The following PTPRD variants were observed in gnomAD, a reference collection of about 807,000 sequenced individuals.
The protein encoded by PTPRD is receptor-type tyrosine-protein phosphatase delta.
A neutral mutation model predicts 214.5 loss-of-function variants in PTPRD; 34 were observed. The ratio of observed to expected loss-of-function variants is 0.16; its 90% CI spans 0.12 to 0.21. The LOEUF (loss-of-function observed/expected upper bound fraction) is 0.21. Ranked by LOEUF, PTPRD falls within the 10% of genes least tolerant of loss-of-function variation. The probability of loss-of-function intolerance (pLI) is 1.00; values close to 1 mark genes in which losing one functional copy is unlikely to be tolerated. For missense variants in PTPRD, 2,545 were observed against 2,398.7 expected (o/e 1.06, Z -1.27); for synonymous variants, 1,128 against 845.7 (o/e 1.33, Z -5.79).
intron 7 of PTPRD, among the ~76,000 whole-genome samples, chr9:9,648,009 C>T (rs2096241071): frequency 6.6e-6 from 1 of 152,084 alleles, no homozygotes; most frequent in African/African-American, 2.4e-5. Flanking sequence ...ATTCCTTAAA[C>T]ATAGTGATCT....
At chr9:8,787,813 T>C (rs2096055079) in intron 11 of PTPRD, among the ~76,000 whole-genome samples, 1 of 152,132 alleles carries the variant, frequency 6.6e-6, no homozygotes, top group Non-Finnish European at 1.5e-5. Flanking sequence ...GCAACACAAC[T>C]CATGCTGCCT....
chr9:9,712,536 T>C (rs1049771318), intron 7 of PTPRD, among the ~76,000 whole-genome samples: 2 of 152,200 alleles, frequency 1.3e-5, no homozygotes, highest in Non-Finnish European at 2.9e-5. Flanking sequence ...TAAAGGTTCC[T>C]TCCTCAGCTT....
chr9:9,347,912 G>C (rs1224908103), intron 9 of PTPRD, among the ~76,000 whole-genome samples: 1 of 152,106 alleles, frequency 6.6e-6, no homozygotes, highest in Non-Finnish European at 1.5e-5. Flanking sequence ...CTATGTCATT[G>C]CTTATGTCCT....
chr9:9,948,418 A>G (rs192859246), intron 4 of PTPRD, among the ~76,000 whole-genome samples: 61 of 152,196 alleles, frequency 4.0e-4, no homozygotes, highest in Non-Finnish European at 2.9e-4. Flanking sequence ...ATATCAAACA[A>G]CATGCCTGAA....
chr9:10,238,555 T>C (rs2099636662), intron 3 of PTPRD, among the ~76,000 whole-genome samples: 1 of 151,904 alleles, frequency 6.6e-6, no homozygotes, highest in Non-Finnish European at 1.5e-5. Context: ...GATTTGTCTC[T>C]ATATTTTGAT....
In PTPRD at chr9:8,553,369, G is replaced by A. The variant is rs975424862; in HGVS notation, c.353-24590C>T. Among the ~76,000 whole-genome samples, 5 of 152,264 alleles carry A rather than the reference G, an allele frequency of 3.3e-5. No individual in the cohort carries two copies. In the South Asian group the frequency reaches 1.0e-3, roughly 32 times the overall value. On this transcript the variant is annotated intron_variant, in intron 14 of 45. Coordinates refer to ENST00000381196, the MANE Select transcript of PTPRD (RefSeq NM_002839.4). ...AGCAGCTTGAAAGAGCTCAAACAGT[G>A]GGCCTGAGTCCCCTGGCGTGGCGTG...
At chr9:9,292,842 C>CT (rs1056521617) in intron 9 of PTPRD, among the ~76,000 whole-genome samples, 1 of 146,858 alleles carries the variant, frequency 6.8e-6, no homozygotes, top group Non-Finnish European at 1.5e-5. Flanking sequence ...ATTTTCTGAG[C>CT]TTTTTTGTTT....
chr9:10,382,182 G>A (rs76517952), intron 2 of PTPRD, among the ~76,000 whole-genome samples: 2,325 of 151,892 alleles, frequency 0.015, 64 homozygotes, highest in African/African-American at 0.053. Context: ...TTTCTAATAC[G>A]TAATAGCTGA....
chr9:8,880,996 AGGTGAAGTAATC>A (rs1278066734), intron 11 of PTPRD, among the ~76,000 whole-genome samples: 4 of 152,108 alleles, frequency 2.6e-5, no homozygotes, highest in African/African-American at 7.2e-5. Flanking sequence ...CGAACTCCTG[AGGTGAAGTAATC>A]CACCCACCTC....
At chr9:9,830,748 G>A (rs930623022) in intron 5 of PTPRD, among the ~76,000 whole-genome samples, 1 of 151,874 alleles carries the variant, frequency 6.6e-6, no homozygotes, top group African/African-American at 2.4e-5. Context: ...CACTGATGTG[G>A]TATCAACAGA....
At chr9:10,523,574 C>T (rs1205423797) in intron 2 of PTPRD, among the ~76,000 whole-genome samples, 1 of 79,740 alleles carries the variant, frequency 1.3e-5, no homozygotes, top group African/African-American at 4.4e-5. Flanking sequence ...ATAAAATACC[C>T]CCAATATTTT....
intron 7 of PTPRD, among the ~76,000 whole-genome samples, chr9:9,608,942 C>T (rs1009538725): frequency 3.3e-5 from 5 of 152,106 alleles, no homozygotes; most frequent in African/African-American, 1.2e-4. Context: ...TACTACTTCC[C>T]TTTGTTCTGA....
intron 3 of PTPRD, among the ~76,000 whole-genome samples, chr9:10,269,880 AT>A (rs1030106135): frequency 3.5e-4 from 54 of 152,260 alleles, no homozygotes; most frequent in African/African-American, 1.2e-3. Context: ...ACTTTTATTA[AT>A]TTTTTTCCTT....
At chr9:8,412,803 C>T (rs1564628691) in intron 35 of PTPRD, among the ~76,000 whole-genome samples, 1 of 152,014 alleles carries the variant, frequency 6.6e-6, no homozygotes, top group Non-Finnish European at 1.5e-5. Flanking sequence ...TATAACATGC[C>T]CATCTATGTA....
intron 3 of PTPRD, among the ~76,000 whole-genome samples, chr9:10,158,696 C>T (rs180868159): frequency 8.5e-5 from 13 of 152,274 alleles, no homozygotes; most frequent in Admixed American, 7.9e-4. Flanking sequence ...GATGCCTCCT[C>T]CAAATTTGCC....
intron 3 of PTPRD, among the ~76,000 whole-genome samples, chr9:10,294,007 T>C (rs1189296184): frequency 2.0e-5 from 3 of 152,008 alleles, no homozygotes; most frequent in Non-Finnish European, 2.9e-5. Context: ...CCATTACTTA[T>C]GGCATATTCT....
intron 10 of PTPRD, among the ~76,000 whole-genome samples, chr9:9,053,083 T>G (rs1265710748): frequency 6.6e-6 from 1 of 152,146 alleles, no homozygotes; most frequent in Non-Finnish European, 1.5e-5. Flanking sequence ...CTTTATATCT[T>G]AGATATAGGG....
intron 11 of PTPRD, among the ~76,000 whole-genome samples, chr9:9,007,507 T>C (rs2099482782): frequency 6.6e-6 from 1 of 152,000 alleles, no homozygotes; most frequent in African/African-American, 2.4e-5. Flanking sequence ...ATTACTTTTT[T>C]CTAAAATACT....
chr9:9,746,935 A>G (rs1207561267), intron 6 of PTPRD, among the ~76,000 whole-genome samples: 2 of 152,148 alleles, frequency 1.3e-5, no homozygotes, highest in Non-Finnish European at 2.9e-5. Flanking sequence ...AAAAGGAAAC[A>G]GTACATTCTG....
Sources: allele counts gnomAD v4.1 joint callset (sites outside exome capture counted in the v4.1 genomes callset), GRCh38; gene constraint gnomAD v4.1.1; transcripts MANE v1.5; gene names NCBI Gene and HGNC (gene_info 2026-07-23, HGNC 2026-07-21).